AKIP1: variants seen among roughly 807,000 people sequenced by gnomAD.
The protein encoded by AKIP1 is A-kinase interacting protein 1, also known as A-kinase-interacting protein 1.
Under a neutral mutation model 22.3 loss-of-function variants are expected in AKIP1, and 18 were observed. The ratio of observed to expected loss-of-function variants is 0.81; its 90% CI spans 0.56 to 1.19. AKIP1 has a LOEUF of 1.19. Ranked by LOEUF, AKIP1 falls within the 50% of genes most tolerant of loss-of-function variation. The pLI, the probability that AKIP1 is intolerant of heterozygous loss-of-function variation, is 0.00. For synonymous variants in AKIP1, 120 were observed against 102.7 expected, an observed-to-expected ratio of 1.17 and a Z score of -1.02; for missense variants, 287 against 264.6, an observed-to-expected ratio of 1.08 and a Z score of -0.59.
At chr11:8,912,742 C>T (rs11042122) in intron 3 of AKIP1, among the ~76,000 whole-genome samples, 1 of 152,102 alleles carries the variant, frequency 6.6e-6, no homozygotes, top group Non-Finnish European at 1.5e-5. Context: ...AACCCTGTAG[C>T]TGACAATATA....
intron 5 of AKIP1, among the ~76,000 whole-genome samples, chr11:8,918,693 C>T (rs1330209636): frequency 6.6e-6 from 1 of 152,186 alleles, no homozygotes; most frequent in African/African-American, 2.4e-5. Context: ...GAAGTCTACC[C>T]TTGGAAGACT....
At chr11:8,912,871 CTTTT>C (rs71059196) in intron 3 of AKIP1, among the ~76,000 whole-genome samples, 2 of 92,950 alleles carry the variant, frequency 2.2e-5, no homozygotes, top group Non-Finnish European at 3.8e-5. Flanking sequence ...TTTTTTTTAA[CTTTT>C]TTTTTTTTTT....
At position 8,911,662 on chromosome 11, in the gene AKIP1, C is replaced by G; in HGVS notation, c.213C>G (p.Leu71=). The G allele has an allele frequency of 1.3e-6, 2 of 1,555,916 alleles. No homozygotes were observed. The highest frequency in any genetic ancestry group is 1.7e-6 in the Non-Finnish European group (2 of 1,153,856). Residue 71 remains leucine, a synonymous_variant, in exon 2 of 6, where the codon CTC becomes CTG. Coordinates refer to ENST00000309377, the MANE Select transcript of AKIP1 (RefSeq NM_020642.4). ...KQPAAGPQRV[L]PGEREERPPT... ...CGGCAGCCGGCCCGCAGCGCGTTCT[C>G]CCGGGAGAGGTGAGGGTCGCTGTGC...
At chr11:8,914,569 C>T (rs542555108) in intron 3 of AKIP1, among the ~76,000 whole-genome samples, 1 of 152,290 alleles carries the variant, frequency 6.6e-6, no homozygotes, top group Non-Finnish European at 1.5e-5. Context: ...GTCCTGCCCA[C>T]CTTTAGTTAG....
chr11:8,917,597 G>T, intron 5 of AKIP1: 1 of 541,860 alleles, frequency 1.8e-6, no homozygotes. Context: ...TGAACTCATA[G>T]TTGTGGTTGG....
chr11:8,917,238 C>G, intron 4 of AKIP1, 49 bp from the exon 5 acceptor site: 1 of 1,316,946 alleles, frequency 7.6e-7, no homozygotes, highest in Non-Finnish European at 1.1e-6. Flanking sequence ...TCTTTACAAT[C>G]CAAAAGTGAA....
At chr11:8,912,561 C>T in intron 3 of AKIP1, 28 bp downstream of exon 3, 1 of 1,581,366 alleles carries the variant, frequency 6.3e-7, no homozygotes, top group South Asian at 1.1e-5. Context: ...AAAACTATGC[C>T]CCATCACCTG....
At chr11:8,912,425 A>G (rs1372968144) in intron 2 of AKIP1, 28 bp from the exon 3 acceptor site, 2 of 1,586,190 alleles carry the variant, frequency 1.3e-6, no homozygotes, top group South Asian at 1.1e-5. Context: ...CCTAGAGCTA[A>G]CCTGTGACGT....
intron 3 of AKIP1, among the ~76,000 whole-genome samples, chr11:8,914,282 G>A (rs1049361540): frequency 6.6e-6 from 1 of 152,212 alleles, no homozygotes; most frequent in African/African-American, 2.4e-5. Context: ...CGATCTTTCG[G>A]AAGATTCTTC....
intron 3 of AKIP1, 152 bp downstream of exon 3, chr11:8,912,685 G>T (rs899643504): frequency 3.6e-5 from 25 of 690,214 alleles, no homozygotes; most frequent in Middle Eastern, 2.5e-4. Flanking sequence ...TAAACCAGGG[G>T]GTAAATCCAA....
rs200956210 is a variant in AKIP1, at chr11:8,912,579, A to G, written c.303+46A>G. 195 of 1,495,520 alleles carry G rather than the reference A, an allele frequency of 1.3e-4. 1 individual carries two copies. Among genetic ancestry groups the G allele is most frequent in the Admixed American group, 3.8e-4 (23 of 59,768 alleles). 92.6% of individuals were successfully genotyped at this position (1,495,520 alleles called of 1,614,324 possible). On this transcript the variant is annotated intron_variant, in intron 3 of 5. Transcript: ENST00000309377. ...ACTATGCCCCATCACCTGCTGATGG[A>G]CCACATTTGGATCTTTCTGGAATTT...
rs867229313 is a variant in AKIP1, at chr11:8,914,837, A to C, written c.315A>C (p.Ser105=). 2.5e-6 allele frequency: 4 copies of C among 1,610,328 alleles called. No individual in the cohort carries two copies. Among genetic ancestry groups the C allele is most frequent in the Middle Eastern group, 1.7e-4 (1 of 5,992 alleles). The part of the protein sequence containing the change: ...YTSSQCGKYY[S]SVPEEGGATH... Reference sequence around the variant, plus strand: ...CATTACGTCTCTAGAAATATTATTCATCTGTGCCAGAGGAAGGAGGGGCAA... The same window carrying C: ...CATTACGTCTCTAGAAATATTATTCCTCTGTGCCAGAGGAAGGAGGGGCAA... Residue 105 remains serine (S), a synonymous_variant, in exon 4 of 6, where the codon TCA becomes TCC. Coordinates refer to ENST00000309377, the MANE Select transcript of AKIP1 (RefSeq NM_020642.4).
rs2064352632 is a variant in AKIP1 at position 8,911,665 on chromosome 11, G to A, written c.216G>A (p.Pro72=). The A allele has an allele frequency of 1.3e-6, 2 of 1,551,678 alleles. No homozygotes were observed. Among genetic ancestry groups the A allele is most frequent in the South Asian group, 1.2e-5 (1 of 81,108 alleles). ...QPAAGPQRVL[P]GEREERPPTL... ...CAGCCGGCCCGCAGCGCGTTCTCCC[G>A]GGAGAGGTGAGGGTCGCTGTGCCGG... Residue 72 remains proline (P), a synonymous_variant, in exon 2 of 6, where the codon CCG becomes CCA. Transcript: ENST00000309377.
rs185157920 is a variant in AKIP1, at chr11:8,915,230, G to A, written c.408+300G>A. Among the ~76,000 whole-genome samples the A allele has an allele frequency of 3.8e-3, 579 of 151,978 alleles. 3 individuals carry two copies. Among genetic ancestry groups the A allele is most frequent in the Non-Finnish European group, 5.4e-3 (368 of 67,984 alleles). ...AGAGCTTCCAAGCCTGGAATGTGGT[G>A]TATGCAATGATCGCCCCTGTGACTA... On this transcript the variant is annotated intron_variant, in intron 4 of 5. Transcript: ENST00000309377.
chr11:8,911,627 G>T lies in AKIP1; in HGVS notation c.178G>T (p.Glu60Ter). The T allele has an allele frequency of 6.3e-7, 1 of 1,593,050 alleles. No individual in the cohort carries two copies. The highest frequency in any genetic ancestry group is 8.5e-7 in the Non-Finnish European group (1 of 1,171,244). The change falls in exon 2 of 6, where the codon GAG (glutamate) becomes TAG (stop). Residue 60 changes from glutamate to a stop codon, truncating the protein, a stop_gained. Coordinates refer to ENST00000309377, the MANE Select transcript of AKIP1 (RefSeq NM_020642.4). LOFTEE classifies it high-confidence loss of function. ...GVLAREAPHL[E>*]KQPAAGPQRV... Reference sequence around the variant, plus strand: ...CCTTGCCCGGGAGGCGCCCCACCTAGAGAAACAGCCGGCAGCCGGCCCGCA... The same window carrying T: ...CCTTGCCCGGGAGGCGCCCCACCTATAGAAACAGCCGGCAGCCGGCCCGCA...
chr11:8,913,199 G>A (rs1378442725), intron 3 of AKIP1, among the ~76,000 whole-genome samples: 1 of 134,232 alleles, frequency 7.4e-6, no homozygotes, highest in Non-Finnish European at 1.6e-5. Context: ...TTTTTTAATT[G>A]AGACAGAGTC....
chr11:8,919,284 G>A, intron 5 of AKIP1, 53 bp from the exon 6 acceptor site: 1 of 1,559,976 alleles, frequency 6.4e-7, no homozygotes, highest in Non-Finnish European at 8.7e-7. Flanking sequence ...GGGGGCCATG[G>A]TGGCACTGGG....
Position 8,912,438 on chromosome 11 carries a change from C to T in AKIP1, c.223-15C>T. ...ATCCTAGAGCTAACCTGTGACGTGC[C>T]ATTTATTCAAATAGAGAGAAGAGAG... On this transcript the variant is annotated splice_polypyrimidine_tract_variant and intron_variant, in intron 2 of 5. Transcript: ENST00000309377. The T allele has an allele frequency of 6.2e-7, 1 of 1,607,222 alleles. No individual in the cohort carries two copies. The highest frequency in any genetic ancestry group is 1.7e-4 in the Middle Eastern group (1 of 6,050).
chr11:8,915,093 G>C (rs1291065569), intron 4 of AKIP1, among the ~76,000 whole-genome samples, 163 bp downstream of exon 4: 1 of 152,144 alleles, frequency 6.6e-6, no homozygotes, highest in Non-Finnish European at 1.5e-5. Flanking sequence ...AGAACTTACA[G>C]CAATGAACAT....
Sources: allele counts gnomAD v4.1 joint callset (sites outside exome capture counted in the v4.1 genomes callset), GRCh38; gene constraint gnomAD v4.1.1; transcripts MANE v1.5; gene names NCBI Gene and HGNC (gene_info 2026-07-23, HGNC 2026-07-21).